The following PLD1 variants were observed in gnomAD, a reference collection of about 807,000 sequenced individuals.
PLD1 encodes the protein choline phosphatase 1.
A neutral mutation model predicts 137.1 loss-of-function variants in PLD1; 112 were observed. The ratio of observed to expected loss-of-function variants is 0.82; its 90% CI spans 0.70 to 0.96. The LOEUF (loss-of-function observed/expected upper bound fraction) is 0.96, where lower values mean the gene tolerates loss of function less well. PLD1 is among the 40% of genes least tolerant of loss of function. The pLI is 0.00. For synonymous variants in PLD1, 431 were observed against 454.7 expected (o/e 0.95, Z 0.66); for missense variants, 1,321 against 1,342.0 (o/e 0.98, Z 0.24).
chr3:171,677,875 T>A, intron 16 of PLD1, 181 bp from the exon 17 acceptor site: 1 of 500,644 alleles, frequency 2.0e-6, no homozygotes. Context: ...CTTACAAGTT[T>A]ACTTTTAGTG....
chr3:171,688,320 T>C lies in PLD1; in HGVS notation c.1539+356A>G, dbSNP rs368324057. Reference sequence around the variant, plus strand: ...AACTGTGGCAGATACTTAAGGCTTTTTACTACCTAAATCTCAATTGCCACA... The same window carrying C: ...AACTGTGGCAGATACTTAAGGCTTTCTACTACCTAAATCTCAATTGCCACA... On this transcript the variant is annotated intron_variant, in intron 14 of 26. Coordinates refer to ENST00000351298, the MANE Select transcript of PLD1 (RefSeq NM_002662.5). 7.2e-5 allele frequency among the ~76,000 whole-genome samples: 11 copies of C among 152,342 alleles called. No individual in the cohort carries two copies. The South Asian group carries it at 8.3e-4, about 11-fold the overall frequency.
At chr3:171,684,828 C>A (rs1355809921) in intron 16 of PLD1, among the ~76,000 whole-genome samples, 1 of 152,168 alleles carries the variant, frequency 6.6e-6, no homozygotes, top group Non-Finnish European at 1.5e-5. Flanking sequence ...CTCAAGCAAT[C>A]CTCCTGCTTC....
chr3:171,799,299 A>T (rs2108357636), intron 1 of PLD1, among the ~76,000 whole-genome samples: 2 of 134,914 alleles, frequency 1.5e-5, no homozygotes, highest in South Asian at 4.9e-4. Context: ...AGATCACACC[A>T]CTGCACTCCA....
rs373695779 is a variant in PLD1, at chr3:171,612,313, G to A, written c.2848C>T (p.Arg950Trp). The change falls in exon 25 of 27, where the codon CGG becomes TGG. Residue 950 changes from arginine to tryptophan, a missense_variant. Transcript: ENST00000351298. The surrounding 1 kb of genome is among the most constrained non-coding windows in gnomAD (Gnocchi z 4.1). ...TGTAGCCGAAGTCCTCGGGCAAACC[G>A]GCCAGCTTGGTACTCTTTTCCATCC... ...VMDGKEYQAG[R>W]FARGLRLQCF... is the part of the protein sequence containing the mutation. 1.7e-4 allele frequency: 278 copies of A among 1,613,950 alleles called. 1 individual carries two copies. The highest frequency in any genetic ancestry group is 6.9e-4 in the South Asian group (63 of 91,078).
At chr3:171,765,793 A>G (rs1721943792) in intron 1 of PLD1, among the ~76,000 whole-genome samples, 1 of 152,322 alleles carries the variant, frequency 6.6e-6, no homozygotes, top group East Asian at 1.9e-4. Context: ...CTTTCATCAC[A>G]TCATCAACTG....
intron 16 of PLD1, among the ~76,000 whole-genome samples, chr3:171,678,709 G>T (rs1020865547): frequency 6.6e-6 from 1 of 152,136 alleles, no homozygotes; most frequent in Non-Finnish European, 1.5e-5. Flanking sequence ...TTAAAACCCT[G>T]GAAGGTTCAC....
intron 23 of PLD1, among the ~76,000 whole-genome samples, chr3:171,639,618 TA>T (rs1383248698): frequency 5.1e-4 from 36 of 70,772 alleles, no homozygotes; most frequent in African/African-American, 3.5e-3. Context: ...ATATTATATA[TA>T]ATATATATTC....
At chr3:171,746,863 C>G (rs1163687489) in intron 1 of PLD1, among the ~76,000 whole-genome samples, 1 of 152,212 alleles carries the variant, frequency 6.6e-6, no homozygotes, top group Non-Finnish European at 1.5e-5. Flanking sequence ...TGGCAACCAG[C>G]TGGGGCCCCC....
intron 19 of PLD1, among the ~76,000 whole-genome samples, chr3:171,667,345 T>C (rs1712253950): frequency 6.6e-6 from 1 of 152,218 alleles, no homozygotes; most frequent in Non-Finnish European, 1.5e-5. Context: ...TATCAAGCTC[T>C]TTCTTTTCAT....
Position 171,645,103 on chromosome 3 carries a change from A to G in PLD1, c.2430-80T>C, listed in dbSNP as rs1402975103. The G allele has an allele frequency of 6.7e-6, 6 of 899,454 alleles. No homozygotes were observed. The African/African-American group carries it at 8.1e-5, about 12-fold the overall frequency. 55.7% of individuals were successfully genotyped at this position (899,454 alleles called of 1,614,324 possible). A position where few individuals can be genotyped will look rare whatever the true frequency, so the allele number is the denominator to read the frequency against. On this transcript the variant is annotated intron_variant, in intron 21 of 26. Transcript: ENST00000351298. ...TTTAGATGACAGCCAAGCAGTTCACATGGTTTTTGAGATTGAGTGAATGGC... is the reference window on the plus strand; with the variant it reads ...TTTAGATGACAGCCAAGCAGTTCACGTGGTTTTTGAGATTGAGTGAATGGC...
Position 171,648,669 on chromosome 3 carries a change from C to T in PLD1, c.2430-3646G>A, listed in dbSNP as rs990009708. Among the ~76,000 whole-genome samples the T allele has an allele frequency of 5.3e-5, 8 of 152,108 alleles. No homozygotes were observed. In the East Asian group the frequency reaches 1.5e-3, roughly 29 times the overall value. On this transcript the variant is annotated intron_variant, in intron 21 of 26. Transcript: ENST00000351298. ...TCCCAGGTTCATGCCATTCTCCTGC[C>T]TCAGCTTCCCGAGTAGCTGGCGCTA... is the stretch of plus-strand genomic sequence containing the variant.
In PLD1 at chr3:171,672,830, G is replaced by A. The variant is rs56208668; in HGVS notation, c.2229+1670C>T. On this transcript the variant is annotated intron_variant, in intron 19 of 26. Coordinates refer to ENST00000351298, the MANE Select transcript of PLD1 (RefSeq NM_002662.5). The stretch of plus-strand genomic sequence containing the variant: ...CATCAGTGATGCGGAAAAAGCGAAC[G>A]AAGAGAAGCATTTTATAGAGTCTCT... 7.9e-3 allele frequency among the ~76,000 whole-genome samples: 1,208 copies of A among 152,294 alleles called. 17 individuals carry two copies. The highest frequency in any genetic ancestry group is 0.027 in the African/African-American group (1,142 of 41,552).
At chr3:171,657,276 TGATA>T (rs1463115040) in intron 21 of PLD1, among the ~76,000 whole-genome samples, 2 of 152,222 alleles carry the variant, frequency 1.3e-5, no homozygotes, top group Non-Finnish European at 2.9e-5. Flanking sequence ...CATAAAATGC[TGATA>T]GTTACTGTTA....
chr3:171,764,894 AGGAAG>A (rs1721777531), intron 1 of PLD1, among the ~76,000 whole-genome samples: 3 of 27,026 alleles, frequency 1.1e-4, no homozygotes, highest in African/African-American at 4.5e-4. Flanking sequence ...AAAGAAAGAA[AGGAAG>A]GAAGGAAGGA....
At chr3:171,622,176 A>C (rs1733696287) in intron 23 of PLD1, among the ~76,000 whole-genome samples, 1 of 152,332 alleles carries the variant, frequency 6.6e-6, no homozygotes, top group East Asian at 1.9e-4. Flanking sequence ...CCTTTGCTAA[A>C]GTAAATATTT....
In PLD1 at chr3:171,686,699, G is replaced by C. The variant is rs370952074; in HGVS notation, c.1853C>G (p.Thr618Ser). The change falls in exon 16 of 27, where the codon ACT becomes AGT. Residue 618 changes from threonine to serine, a missense_variant. Physicochemically the swap from Thr to Ser is moderately conservative, Grantham distance 58. Coordinates refer to ENST00000351298, the MANE Select transcript of PLD1 (RefSeq NM_002662.5). ...HPSSESEQGL[T>S]RPHADTGSIR... ...AAATTACTTACCAGCATGAGGTCTA[G>C]TGAGTCCTTGCTCAGACTCACTGGA... 28 of 1,579,650 alleles carry C rather than the reference G, an allele frequency of 1.8e-5. No individual in the cohort carries two copies. The highest frequency in any genetic ancestry group is 1.7e-4 in the Middle Eastern group (1 of 5,984).
chr3:171,695,413 TTTC>T (rs570586575), intron 12 of PLD1, among the ~76,000 whole-genome samples: 77 of 152,334 alleles, frequency 5.1e-4, no homozygotes, highest in African/African-American at 1.8e-3. Flanking sequence ...CAATGCAGTG[TTTC>T]TTATCTCTGG....
At chr3:171,764,974 GA>G (rs1560289946) in intron 1 of PLD1, among the ~76,000 whole-genome samples, 1 of 64,578 alleles carries the variant, frequency 1.5e-5, no homozygotes, top group South Asian at 5.0e-4. Flanking sequence ...AAGAAAGAAA[GA>G]AAGAAAGAAA....
chr3:171,640,516 A>T (rs970739742), intron 23 of PLD1, among the ~76,000 whole-genome samples: 3 of 152,228 alleles, frequency 2.0e-5, no homozygotes, highest in African/African-American at 7.2e-5. Flanking sequence ...CATTGTGGTC[A>T]GAGAACATAC....
Sources: gnomAD v4.1 joint callset for allele counts (sites outside exome capture counted in the v4.1 genomes callset) on GRCh38, gnomAD v4.1.1 for gene constraint, Gnocchi (gnomAD v3.1) non-coding constraint, MANE v1.5 for transcripts, NCBI Gene and HGNC (gene_info 2026-07-23, HGNC 2026-07-21) for gene names.